The following AGO2 variants were observed in gnomAD, a reference collection of about 807,000 sequenced individuals.
The protein encoded by AGO2 is argonaute RISC catalytic component 2.
AGO2 carries 5 observed loss-of-function variants against 102.3 expected under a neutral mutation model. The ratio of observed to expected loss-of-function variants is 0.05; its 90% CI spans 0.03 to 0.10. The LOEUF is 0.10. Among genes scored for constraint, AGO2 ranks in the 10% least tolerant of loss-of-function variants. AGO2 has a pLI of 1.00. For missense variants in AGO2, 541 were observed against 1,183.7 expected (o/e 0.46, Z 7.97); for synonymous variants, 449 against 473.1 (o/e 0.95, Z 0.66).
chr8:140,628,335 TGAG>T (rs2152110396), intron 1 of AGO2, among the ~76,000 whole-genome samples: 1 of 152,252 alleles, frequency 6.6e-6, no homozygotes, highest in East Asian at 1.9e-4. Flanking sequence ...GCCCCAGGAA[TGAG>T]GAGGACGGCA....
In AGO2 at chr8:140,598,598, C is replaced by T. The variant is rs191248407; in HGVS notation, c.23-13287G>A. Among the ~76,000 whole-genome samples, 1,089 of 152,282 alleles carry T rather than the reference C, an allele frequency of 7.2e-3. 16 individuals carry two copies. The highest frequency in any genetic ancestry group is 7.4e-3 in the Non-Finnish European group (506 of 68,004). On this transcript the variant is annotated intron_variant, in intron 1 of 18. Coordinates refer to ENST00000220592, the MANE Select transcript of AGO2 (RefSeq NM_012154.5). The stretch of plus-strand genomic sequence containing the variant: ...ACCCCGGAGCCGCAGCTCTTCCTCC[C>T]GCTTGCCCGACAGCCCTGGTGCCAA...
chr8:140,544,951 G>A (rs982921433), intron 13 of AGO2, among the ~76,000 whole-genome samples: 1 of 152,218 alleles, frequency 6.6e-6, no homozygotes, highest in Non-Finnish European at 1.5e-5. Flanking sequence ...GGCGGAGGTG[G>A]TGACAGCACC....
chr8:140,609,359 C>A (rs1187877574), intron 1 of AGO2, among the ~76,000 whole-genome samples: 2 of 152,206 alleles, frequency 1.3e-5, no homozygotes, highest in Non-Finnish European at 2.9e-5. Flanking sequence ...GGGTGGCCTG[C>A]GGAGATCACA....
chr8:140,556,409 T>C, intron 8 of AGO2, 123 bp from the exon 9 acceptor site: 2 of 1,276,848 alleles, frequency 1.6e-6, no homozygotes, highest in Non-Finnish European at 2.2e-6. Flanking sequence ...ATCCCTGGGC[T>C]ATGAAGTGCT....
At chr8:140,556,770 T>C (rs2073101144) in intron 8 of AGO2, among the ~76,000 whole-genome samples, 1 of 151,390 alleles carries the variant, frequency 6.6e-6, no homozygotes, top group South Asian at 2.1e-4. Flanking sequence ...TTTCAAAGAG[T>C]CGTGATGTTA....
At chr8:140,638,399 G>T (rs1332275908), upstream of AGO2, 1 of 152,226 alleles carries the variant, frequency 6.6e-6, no homozygotes, top group East Asian at 1.9e-4. Flanking sequence ...CTGTAGCAAG[G>T]TGAGAAGAAT....
rs182859383 is a variant in AGO2 at position 140,542,619 on chromosome 8, T to C, written c.1840-1261A>G. ...CCTAAGGCTCCAAAAGCCCAAGATA[T>C]AGTTGAATGCTTCATAACATTTGTA... On this transcript the variant is annotated intron_variant, in intron 14 of 18. Coordinates refer to ENST00000220592, the MANE Select transcript of AGO2 (RefSeq NM_012154.5). 6.9e-5 allele frequency among the ~76,000 whole-genome samples: 10 copies of C among 145,698 alleles called. No individual in the cohort carries two copies. In the East Asian group the frequency reaches 8.0e-4, roughly 12 times the overall value.
rs1470091777 is a variant in AGO2 at position 140,539,341 on chromosome 8, G to A, written c.2148C>T (p.Phe716=). 1.9e-6 allele frequency: 3 copies of A among 1,612,808 alleles called. No individual in the cohort carries two copies. Among genetic ancestry groups the A allele is most frequent in the Non-Finnish European group, 1.7e-6 (2 of 1,179,414 alleles). Reference sequence around the variant, plus strand: ...TCACCCGCTCGTTCTTGTCAGTGCAGAAGAGCCGGGTGTGGTGCCTCTTCT... The same window carrying A: ...TCACCCGCTCGTTCTTGTCAGTGCAAAAGAGCCGGGTGTGGTGCCTCTTCT... ...VVQKRHHTRL[F]CTDKNERVGK... The change falls in exon 16 of 19, where the codon TTC becomes TTT. Residue 716 remains phenylalanine, a synonymous_variant. Coordinates refer to ENST00000220592, the MANE Select transcript of AGO2 (RefSeq NM_012154.5). The surrounding 1 kb of genome is among the most constrained non-coding windows in gnomAD (Gnocchi z 4.7).
chr8:140,626,322 G>C (rs559516955), intron 1 of AGO2, among the ~76,000 whole-genome samples: 1 of 152,210 alleles, frequency 6.6e-6, no homozygotes, highest in African/African-American at 2.4e-5. Context: ...TCAGAGATAA[G>C]CCTTTTTAAA....
At chr8:140,570,372 T>C (rs1164516552) in intron 3 of AGO2, among the ~76,000 whole-genome samples, 3 of 151,442 alleles carry the variant, frequency 2.0e-5, no homozygotes, top group African/African-American at 7.3e-5. Context: ...ACTATAGGCG[T>C]GTGCCCCTAT....
upstream of AGO2, among the ~76,000 whole-genome samples, chr8:140,639,908 C>T (rs574866508): frequency 5.9e-5 from 9 of 152,286 alleles, no homozygotes; most frequent in South Asian, 2.1e-4. Context: ...GACTGGTGAG[C>T]GTGTCTGAAT....
At chr8:140,623,884 CAA>C (rs2074244543) in intron 1 of AGO2, among the ~76,000 whole-genome samples, 1 of 152,042 alleles carries the variant, frequency 6.6e-6, no homozygotes, top group Non-Finnish European at 1.5e-5. Context: ...AACTCTTAAA[CAA>C]AGAAATGACT....
chr8:140,623,670 T>C (rs1484806315), intron 1 of AGO2, among the ~76,000 whole-genome samples: 3 of 151,906 alleles, frequency 2.0e-5, no homozygotes, highest in Non-Finnish European at 4.4e-5. Flanking sequence ...TCTCCATCAG[T>C]GCTATGGATG....
chr8:140,557,333 G>T lies in AGO2; in HGVS notation c.879-97C>A. 7.0e-7 allele frequency: 1 copy of T among 1,436,992 alleles called. No homozygotes were observed. The highest frequency in any genetic ancestry group is 9.3e-7 in the Non-Finnish European group (1 of 1,071,212). 89.0% of individuals were successfully genotyped at this position (1,436,992 alleles called of 1,614,324 possible). On this transcript the variant is annotated intron_variant, in intron 7 of 18. Transcript: ENST00000220592. This position sits in a 1 kb window ranked among gnomAD's most constrained non-coding sequence, Gnocchi z 5.9. ...GTTTGCTTTTTAGGGTGACGTGTGA[G>T]GAGCAAACATTCAGAGCACTTCCGG...
intron 1 of AGO2, among the ~76,000 whole-genome samples, chr8:140,620,102 C>T (rs996635709): frequency 5.3e-5 from 8 of 152,112 alleles, no homozygotes; most frequent in African/African-American, 9.7e-5. Flanking sequence ...TGAAGGGGCA[C>T]GCTGAAAAGA....
At chr8:140,535,292 GC>G (rs2072677329) in intron 17 of AGO2, 175 bp downstream of exon 17, 1 of 640,206 alleles carries the variant, frequency 1.6e-6, no homozygotes. Flanking sequence ...CACCCCCCAG[GC>G]CCCTCTCCCC....
At chr8:140,586,264 G>A (rs570729469) in intron 1 of AGO2, among the ~76,000 whole-genome samples, 36 of 152,268 alleles carry the variant, frequency 2.4e-4, no homozygotes, top group Non-Finnish European at 3.4e-4. Context: ...AGGCTGAGGC[G>A]GGTAGATTAC....
intron 1 of AGO2, among the ~76,000 whole-genome samples, chr8:140,614,228 G>A (rs900322563): frequency 8.5e-5 from 13 of 152,072 alleles, no homozygotes; most frequent in African/African-American, 3.1e-4. Flanking sequence ...GGAGGCAGAG[G>A]CAGGAGAACT....
chr8:140,593,415 C>T (rs1238156732), intron 1 of AGO2, among the ~76,000 whole-genome samples: 2 of 151,950 alleles, frequency 1.3e-5, no homozygotes, highest in African/African-American at 4.8e-5. Flanking sequence ...TGGTCTCAAA[C>T]TCCTGACCTC....
Sources: gnomAD v4.1 joint callset for allele counts (sites outside exome capture counted in the v4.1 genomes callset) on GRCh38, gnomAD v4.1.1 for gene constraint, Gnocchi (gnomAD v3.1) non-coding constraint, MANE v1.5 for transcripts, NCBI Gene and HGNC (gene_info 2026-07-23, HGNC 2026-07-21) for gene names.